AOPEP: variants seen among roughly 807,000 people sequenced by gnomAD.
The protein encoded by AOPEP is aminopeptidase O.
In AOPEP, 77 loss-of-function variants were observed where a neutral mutation model predicts 98.1. The ratio of observed to expected loss-of-function variants is 0.78; its 90% CI spans 0.65 to 0.95. The LOEUF (loss-of-function observed/expected upper bound fraction) is 0.95. Among genes scored for constraint, AOPEP ranks in the 40% least tolerant of loss-of-function variants. The probability of loss-of-function intolerance (pLI) is 0.00; values close to 1 mark genes in which losing one functional copy is unlikely to be tolerated. For missense variants in AOPEP, 1,024 were observed against 1,024.7 expected (o/e 1.00, Z 0.01); for synonymous variants, 346 against 365.3 (o/e 0.95, Z 0.60).
intron 1 of AOPEP, among the ~76,000 whole-genome samples, chr9:94,753,776 GGAAAAAGCAAACCAAAAGAAA>G (rs1166413262): frequency 6.6e-6 from 1 of 152,112 alleles, no homozygotes; most frequent in Non-Finnish European, 1.5e-5. Context: ...AGATGTGCCG[GGAAAAAGCAAACCAAAAGAAA>G]GTAGGTATGA....
chr9:94,775,364 A>G (rs1841848847), intron 3 of AOPEP, among the ~76,000 whole-genome samples: 2 of 147,810 alleles, frequency 1.4e-5, no homozygotes, highest in Admixed American at 1.3e-4. Context: ...ACCGATGAGT[A>G]TTTACTTGAT....
At chr9:94,780,036 G>T (rs575516517) in intron 3 of AOPEP, among the ~76,000 whole-genome samples, 1 of 152,332 alleles carries the variant, frequency 6.6e-6, no homozygotes, top group South Asian at 2.1e-4. Context: ...ACATCTGGAT[G>T]ATTTTAGGGG....
chr9:94,792,836 T>C lies in AOPEP; in HGVS notation c.1036T>C (p.Trp346Arg), dbSNP rs758414518. 26 of 1,613,594 alleles carry C rather than the reference T, an allele frequency of 1.6e-5. No individual in the cohort carries two copies. In the African/African-American group the frequency reaches 2.9e-4, roughly 18 times the overall value. The change falls in exon 4 of 17, where the codon TGG becomes CGG. Residue 346 changes from tryptophan to arginine, a missense_variant. By Grantham distance (101) the Trp-to-Arg change is moderately radical (BLOSUM62 -3). Coordinates refer to ENST00000375315, the MANE Select transcript of AOPEP (RefSeq NM_001193329.3). ...CACCTTCACAATTGCAGTGGGATGC[T>C]GGACAGAAATGAAGATGGAGACATG... is the stretch of plus-strand genomic sequence containing the variant. ...ASTFTIAVGCWTEMKMETWSS... is the reference protein window; with the variant it reads ...ASTFTIAVGCRTEMKMETWSS...
At chr9:95,138,074 G>A in the AOPEP span, among the ~76,000 whole-genome samples, 42 of 152,400 alleles carry the variant, frequency 2.8e-4, no homozygotes, top group African/African-American at 1.0e-3. Context: ...TGGCTGGAAT[G>A]ATGCTGTTTC....
At chr9:94,798,210 A>C (rs993527717) in intron 4 of AOPEP, among the ~76,000 whole-genome samples, 3 of 152,116 alleles carry the variant, frequency 2.0e-5, no homozygotes, top group Non-Finnish European at 2.9e-5. Context: ...TTCTGTGTCC[A>C]TTTCTATGGG....
chr9:94,853,069 A>G (rs959702584), intron 5 of AOPEP, among the ~76,000 whole-genome samples: 16 of 152,232 alleles, frequency 1.1e-4, no homozygotes, highest in African/African-American at 3.1e-4. Context: ...ATAGAAATGT[A>G]TATGTTGTGG....
intron 16 of AOPEP, 58 bp downstream of exon 16, chr9:95,082,777 G>A (rs1385760712): frequency 6.3e-7 from 1 of 1,583,226 alleles, no homozygotes; most frequent in African/African-American, 1.3e-5. Context: ...CCTTTTAGGA[G>A]CCAACTAAAT....
At chr9:94,739,640 G>A (rs1014017441) in intron 1 of AOPEP, among the ~76,000 whole-genome samples, 1 of 136,458 alleles carries the variant, frequency 7.3e-6, no homozygotes, top group Non-Finnish European at 1.6e-5. Flanking sequence ...GCGAAACTTC[G>A]TCTCAAAAAA....
chr9:94,765,316 T>C (rs1359154747), intron 2 of AOPEP, among the ~76,000 whole-genome samples: 1 of 151,642 alleles, frequency 6.6e-6, no homozygotes, highest in East Asian at 1.9e-4. Context: ...TAAAAAAATA[T>C]ATGCCAGATG....
downstream of AOPEP, among the ~76,000 whole-genome samples, chr9:95,089,912 C>T (rs1017108742): frequency 1.3e-5 from 2 of 152,262 alleles, no homozygotes; most frequent in Non-Finnish European, 2.9e-5. Flanking sequence ...GCCAGCGCCT[C>T]CACTGAACAG....
chr9:94,894,697 A>G (rs764057493), intron 5 of AOPEP, among the ~76,000 whole-genome samples: 4 of 152,246 alleles, frequency 2.6e-5, no homozygotes, highest in Non-Finnish European at 5.9e-5. Context: ...AATTATGTTT[A>G]TGACCAGCAA....
Position 95,005,541 on chromosome 9 carries a change from G to C in AOPEP, c.2041-1G>C, listed in dbSNP as rs141221108. 55 of 1,613,858 alleles carry C rather than the reference G, an allele frequency of 3.4e-5. No homozygotes were observed. Among genetic ancestry groups the C allele is most frequent in the Non-Finnish European group, 4.6e-5 (54 of 1,179,852 alleles). ...GAAATGCTGTGGTTTTTGAACCTCA[G>C]GTCACGAAATGGATTGGAGTGAACC... On this transcript the variant is annotated splice_acceptor_variant, in intron 12 of 16. Coordinates refer to ENST00000375315, the MANE Select transcript of AOPEP (RefSeq NM_001193329.3). LOFTEE classifies it high-confidence loss of function.
At chr9:94,876,427 G>A (rs528725301) in intron 5 of AOPEP, among the ~76,000 whole-genome samples, 3 of 150,478 alleles carry the variant, frequency 2.0e-5, no homozygotes, top group Non-Finnish European at 3.0e-5. Flanking sequence ...GTGCAATGGC[G>A]CGATCTTGGC....
intron 11 of AOPEP, among the ~76,000 whole-genome samples, chr9:94,991,418 GTCT>G (rs1447945029): frequency 3.3e-5 from 5 of 152,312 alleles, no homozygotes; most frequent in Non-Finnish European, 5.9e-5. Context: ...AGTGCAGTGC[GTCT>G]TCTTCTTACT....
chr9:95,097,747 A>C, the AOPEP span, among the ~76,000 whole-genome samples: 5 of 152,302 alleles, frequency 3.3e-5, no homozygotes, highest in South Asian at 8.3e-4. Context: ...GGCCTTTGCT[A>C]TGAGCTCTCC....
chr9:94,860,248 A>G (rs923969960), intron 5 of AOPEP, among the ~76,000 whole-genome samples: 2 of 152,174 alleles, frequency 1.3e-5, no homozygotes, highest in Admixed American at 6.5e-5. Flanking sequence ...ACCCGAAAGA[A>G]GTGTTCATGG....
At chr9:95,012,932 T>TA (rs1323488969) in intron 13 of AOPEP, among the ~76,000 whole-genome samples, 1 of 142,334 alleles carries the variant, frequency 7.0e-6, no homozygotes, top group Non-Finnish European at 1.5e-5. Flanking sequence ...TTTTTTTTTT[T>TA]AACGTTAGAG....
the AOPEP span, among the ~76,000 whole-genome samples, chr9:95,097,985 C>T: frequency 2.6e-5 from 4 of 152,234 alleles, no homozygotes; most frequent in East Asian, 1.9e-4. Flanking sequence ...CCCGAGCCCC[C>T]GGGCTGGGGG....
At chr9:94,744,551 A>G (rs1356951559) in intron 1 of AOPEP, among the ~76,000 whole-genome samples, 3 of 151,526 alleles carry the variant, frequency 2.0e-5, no homozygotes, top group Non-Finnish European at 2.9e-5. Context: ...AAATACAAAA[A>G]TTAGCTGGGC....
Sources: gnomAD v4.1 joint callset for allele counts (sites outside exome capture counted in the v4.1 genomes callset) on GRCh38, gnomAD v4.1.1 for gene constraint, MANE v1.5 for transcripts, NCBI Gene and HGNC (gene_info 2026-07-23, HGNC 2026-07-21) for gene names.